The following DUXA variants were observed in gnomAD, a reference collection of about 807,000 sequenced individuals.
DUXA encodes the protein double homeobox A, also known as double homeobox protein A.
DUXA carries 25 observed loss-of-function variants against 27.5 expected under a neutral mutation model. That is an observed-to-expected ratio of 0.91 (90% CI 0.66 to 1.27). DUXA has a LOEUF of 1.27. DUXA is among the 50% of genes most tolerant of loss of function. DUXA has a pLI of 0.00. For synonymous variants in DUXA, 90 were observed against 80.5 expected, an observed-to-expected ratio of 1.12 and a Z score of -0.63; for missense variants, 247 against 242.9, an observed-to-expected ratio of 1.02 and a Z score of -0.11.
chr19:57,161,643 T>C (rs894943653), intron 1 of DUXA, among the ~76,000 whole-genome samples: 1 of 150,960 alleles, frequency 6.6e-6, no homozygotes, highest in Non-Finnish European at 1.5e-5. Context: ...CAAAATGAAG[T>C]AAAATAAAAA....
chr19:57,158,956 C>G (rs2122691674), intron 3 of DUXA, among the ~76,000 whole-genome samples: 1 of 152,220 alleles, frequency 6.6e-6, no homozygotes, highest in South Asian at 2.1e-4. Flanking sequence ...TGCACTCCAG[C>G]CTGGGTGACA....
chr19:57,161,485 C>A (rs1167815770), intron 1 of DUXA, among the ~76,000 whole-genome samples: 1 of 145,354 alleles, frequency 6.9e-6, no homozygotes, highest in Non-Finnish European at 1.5e-5. Context: ...TAGCCGGGCG[C>A]AGTGGCGGGC....
Position 57,160,652 on chromosome 19 carries a change from G to A in DUXA, c.171C>T (p.Ser57=), listed in dbSNP as rs1414843126. ...KLALEINTEE[S]RIQIWFQNRR... The stretch of plus-strand genomic sequence containing the variant: ...TTGAACTTTAACTTACCTGGATTCT[G>A]GACTCTTCTGTATTGATTTCTAAAG... The change falls in exon 2 of 6, where the codon TCC becomes TCT. Residue 57 remains serine (S), a synonymous_variant. Transcript: ENST00000554048. 6.2e-7 allele frequency: 1 copy of A among 1,612,490 alleles called. No individual in the cohort carries two copies. The highest frequency in any genetic ancestry group is 8.5e-7 in the Non-Finnish European group (1 of 1,179,998).
At chr19:57,159,927 T>C (rs1466985693) in intron 2 of DUXA, among the ~76,000 whole-genome samples, 3 of 151,806 alleles carry the variant, frequency 2.0e-5, no homozygotes, top group African/African-American at 7.3e-5. Flanking sequence ...ATAGTGAACC[T>C]CAGTCTTTAC....
Position 57,160,796 on chromosome 19 carries a change from C to A in DUXA, c.27G>T (p.Lys9Asn). 1.2e-6 allele frequency: 2 copies of A among 1,613,858 alleles called. No homozygotes were observed. Among genetic ancestry groups the A allele is most frequent in the Non-Finnish European group, 1.7e-6 (2 of 1,179,994 alleles). ...AGCGCCTATGATTTGTTTTTACCAT[C>A]TCTGTAGGAAGATTACAAAAGAAGA... MAEDTYSHKMVKTNHRRCR... is the reference protein window; with the variant it reads MAEDTYSHNMVKTNHRRCR... Residue 9 changes from lysine to asparagine, a missense_variant and splice_region_variant, in exon 2 of 6, where the codon AAG (lysine) becomes AAT (asparagine). Lys to Asn is a moderately conservative substitution (Grantham distance 94). Transcript: ENST00000554048.
At chr19:57,160,928 C>A in intron 1 of DUXA, 131 bp from the exon 2 acceptor site, 1 of 1,004,022 alleles carries the variant, frequency 1.0e-6, no homozygotes, top group South Asian at 1.6e-5. Flanking sequence ...TACCCTCATA[C>A]AAGTATGGAG....
intron 1 of DUXA, among the ~76,000 whole-genome samples, chr19:57,165,320 A>ATATATATATAT (rs1380503736): frequency 1.0e-5 from 1 of 96,632 alleles, no homozygotes; most frequent in African/African-American, 3.6e-5. Context: ...AAAAAAAAAA[A>ATATATATATAT]AAAAATATAT....
chr19:57,166,939 T>C (rs956686828), intron 1 of DUXA, among the ~76,000 whole-genome samples: 3 of 152,174 alleles, frequency 2.0e-5, no homozygotes, highest in Non-Finnish European at 4.4e-5. Context: ...TTGGAACACA[T>C]TGAGTCTGAG....
At position 57,166,689 on chromosome 19, in the gene DUXA, A is replaced by G. The variant is rs781746811; in HGVS notation, c.25+730T>C. ...GTTGGTGGAAGCAGGGAGATCAGTT[A>G]GGAGAAGACTGCAATAATCTCATGC... On this transcript the variant is annotated intron_variant, in intron 1 of 5. Transcript: ENST00000554048. 4.6e-5 allele frequency among the ~76,000 whole-genome samples: 7 copies of G among 152,356 alleles called. No individual in the cohort carries two copies. In the South Asian group the frequency reaches 1.4e-3, roughly 32 times the overall value.
chr19:57,164,551 G>A (rs1240070717), intron 1 of DUXA, among the ~76,000 whole-genome samples: 1 of 151,916 alleles, frequency 6.6e-6, no homozygotes, highest in Non-Finnish European at 1.5e-5. Context: ...CTCCAGCCTG[G>A]GCAACAGGAG....
In DUXA at chr19:57,154,388, C is replaced by T; in HGVS notation, c.*24G>A. 1 of 1,607,942 alleles carries T rather than the reference C, an allele frequency of 6.2e-7. No individual in the cohort carries two copies. Among genetic ancestry groups the T allele is most frequent in the African/African-American group, 1.3e-5 (1 of 74,886 alleles). ...AGATTTGGGGTCCAGTTGATATTAT[C>T]AAGTACACTGAATTTGACTGTGTTC... On this transcript the variant is annotated 3_prime_UTR_variant, in exon 6 of 6. Coordinates refer to ENST00000554048, the MANE Select transcript of DUXA (RefSeq NM_001012729.2).
intron 2 of DUXA, 102 bp from the exon 3 acceptor site, chr19:57,159,380 G>GTAA: frequency 1.0e-6 from 1 of 999,078 alleles, no homozygotes; most frequent in Non-Finnish European, 1.5e-6. Flanking sequence ...CCTAGGCCCA[G>GTAA]GATTATTACT....
chr19:57,165,982 G>C (rs1286530589), intron 1 of DUXA, among the ~76,000 whole-genome samples: 1 of 152,006 alleles, frequency 6.6e-6, no homozygotes, highest in Non-Finnish European at 1.5e-5. Flanking sequence ...AGAGTGCAGG[G>C]GTGAGGTCAC....
At chr19:57,157,696 C>A (rs1350628846) in intron 4 of DUXA, among the ~76,000 whole-genome samples, 1 of 151,702 alleles carries the variant, frequency 6.6e-6, no homozygotes, top group Non-Finnish European at 1.5e-5. Context: ...GACATAAAGA[C>A]TTCAGTCAAA....
In DUXA at chr19:57,155,341, A is replaced by C; in HGVS notation, c.470T>G (p.Leu157Arg). 4 of 1,614,214 alleles carry C rather than the reference A, an allele frequency of 2.5e-6. No individual in the cohort carries two copies. Among genetic ancestry groups the C allele is most frequent in the Non-Finnish European group, 3.4e-6 (4 of 1,180,026 alleles). ...CACAGGTTCCCTTTTTCTCTGGAGAAGTAATCTAGATCTTCGATTTTGGAA... is the reference window on the plus strand; with the variant it reads ...CACAGGTTCCCTTTTTCTCTGGAGACGTAATCTAGATCTTCGATTTTGGAA... ...IWFQNRRSRL[L>R]LQRKREPVAS... The change falls in exon 5 of 6, where the codon CTT becomes CGT. Residue 157 changes from leucine (L) to arginine (R), a missense_variant. Physicochemically the swap from Leu to Arg is moderately radical, Grantham distance 102. Coordinates refer to ENST00000554048, the MANE Select transcript of DUXA (RefSeq NM_001012729.2).
chr19:57,166,779 A>G (rs1476568828), intron 1 of DUXA, among the ~76,000 whole-genome samples: 2 of 152,200 alleles, frequency 1.3e-5, no homozygotes, highest in African/African-American at 4.8e-5. Context: ...TTTGAATGTT[A>G]AAGCCATCAG....
intron 4 of DUXA, among the ~76,000 whole-genome samples, chr19:57,157,720 G>A (rs1250343115): frequency 6.6e-6 from 1 of 152,096 alleles, no homozygotes; most frequent in Non-Finnish European, 1.5e-5. Flanking sequence ...GCCGGGCACG[G>A]TGGCTCAGCC....
chr19:57,155,131 A>G (rs2086985975), intron 5 of DUXA, 136 bp downstream of exon 5: 1 of 721,000 alleles, frequency 1.4e-6, no homozygotes, highest in Non-Finnish European at 2.3e-6. Context: ...ACTGTGAGCA[A>G]CCCCATGGTA....
rs1186464679 is a variant in DUXA, at chr19:57,161,399, G to A, written c.26-602C>T. Among the ~76,000 whole-genome samples, 21 of 145,510 alleles carry A rather than the reference G, an allele frequency of 1.4e-4. No individual in the cohort carries two copies. The South Asian group carries it at 2.0e-3, about 14-fold the overall frequency. ...AGCACTTTGGGAGGCCGAGGCGGGCGGATCACAAGGTCAGGAGATCGAGAC... is the reference window on the plus strand; with the variant it reads ...AGCACTTTGGGAGGCCGAGGCGGGCAGATCACAAGGTCAGGAGATCGAGAC... On this transcript the variant is annotated intron_variant, in intron 1 of 5. Transcript: ENST00000554048.
Sources: gnomAD v4.1 joint callset for allele counts (sites outside exome capture counted in the v4.1 genomes callset) on GRCh38, gnomAD v4.1.1 for gene constraint, MANE v1.5 for transcripts, NCBI Gene and HGNC (gene_info 2026-07-23, HGNC 2026-07-21) for gene names.